The following MTA3 variants were observed in gnomAD, a reference collection of about 807,000 sequenced individuals.
MTA3 encodes metastasis associated 1 family member 3, also known as metastasis-associated protein MTA3.
A neutral mutation model predicts 83.5 loss-of-function variants in MTA3; 34 were observed. The observed-to-expected ratio is 0.41, with a 90% CI of 0.31 to 0.54. The LOEUF (loss-of-function observed/expected upper bound fraction) is 0.54. Ranked by LOEUF, MTA3 falls within the 20% of genes least tolerant of loss-of-function variation. The probability of loss-of-function intolerance (pLI) is 0.33; values close to 1 mark genes in which losing one functional copy is unlikely to be tolerated. For missense variants in MTA3, 761 were observed against 726.4 expected (o/e 1.05, Z -0.55); for synonymous variants, 303 against 252.7 (o/e 1.20, Z -1.89).
intron 4 of MTA3, among the ~76,000 whole-genome samples, chr2:42,628,769 ACC>A (rs67981436): frequency 7.3e-6 from 1 of 137,414 alleles, no homozygotes; most frequent in Admixed American, 7.2e-5. Flanking sequence ...AAACATTTCC[ACC>A]CTTTTTTTTT....
Position 42,535,771 on chromosome 2 carries a change from C to T in MTA3, c.-140-34666C>T, listed in dbSNP as rs563024704. On this transcript the variant is annotated intron_variant, in intron 2 of 17. Transcript: ENST00000405592. ...CTTGGGTAAGTGTTGACCTGTCACT[C>T]TGAAAGGATCCTGGGGGTGGTCCTA... Among the ~76,000 whole-genome samples, 19 of 152,158 alleles carry T rather than the reference C, an allele frequency of 1.2e-4. 1 individual carries two copies. In the South Asian group the frequency reaches 3.7e-3, roughly 30 times the overall value.
At chr2:42,574,860 A>T (rs1324973340) in intron 2 of MTA3, among the ~76,000 whole-genome samples, 1 of 152,226 alleles carries the variant, frequency 6.6e-6, no homozygotes, top group Non-Finnish European at 1.5e-5. Flanking sequence ...GCATTAAAAA[A>T]AAATTATTTA....
chr2:42,738,466 G>A (rs573932751), intron 16 of MTA3, among the ~76,000 whole-genome samples: 1 of 152,232 alleles, frequency 6.6e-6, no homozygotes, highest in South Asian at 2.1e-4. Flanking sequence ...TCCTATGCCC[G>A]TCTTTACTTC....
intron 3 of MTA3, among the ~76,000 whole-genome samples, chr2:42,607,665 T>A (rs1179418601): frequency 6.6e-6 from 1 of 152,168 alleles, no homozygotes; most frequent in East Asian, 1.9e-4. Flanking sequence ...AAATTTATCT[T>A]TTGAATTCTC....
At chr2:42,505,936 T>C (rs1674609920) in intron 2 of MTA3, among the ~76,000 whole-genome samples, 1 of 151,852 alleles carries the variant, frequency 6.6e-6, no homozygotes, top group Non-Finnish European at 1.5e-5. Flanking sequence ...GCCTGGCTAA[T>C]TTTTGAAATT....
chr2:42,514,950 C>A (rs895745241), intron 2 of MTA3, among the ~76,000 whole-genome samples: 4 of 151,600 alleles, frequency 2.6e-5, no homozygotes, highest in Non-Finnish European at 5.9e-5. Context: ...CTTGACCTCC[C>A]AAAGCGCTGG....
intron 14 of MTA3, among the ~76,000 whole-genome samples, chr2:42,718,382 G>T: frequency 6.6e-6 from 1 of 151,676 alleles, no homozygotes; most frequent in East Asian, 2.0e-4. Context: ...CGAGTAGCTG[G>T]GATTACAGGC....
At chr2:42,697,635 A>C in intron 10 of MTA3, 141 bp from the exon 11 acceptor site, 1 of 588,400 alleles carries the variant, frequency 1.7e-6, no homozygotes. Context: ...CAGTTTAAGA[A>C]TATGCATATG....
chr2:42,548,864 AT>A (rs1676920364), intron 2 of MTA3, among the ~76,000 whole-genome samples: 1 of 29,462 alleles, frequency 3.4e-5, no homozygotes. Flanking sequence ...TATATAATAT[AT>A]ATATATATAT....
intron 16 of MTA3, among the ~76,000 whole-genome samples, chr2:42,738,231 G>A (rs1041124950): frequency 6.6e-6 from 1 of 152,140 alleles, no homozygotes; most frequent in Admixed American, 6.6e-5. Context: ...CACTGGACAA[G>A]GCTGGGCAAC....
At chr2:42,721,307 C>T (rs548067508) in intron 15 of MTA3, among the ~76,000 whole-genome samples, 5 of 150,742 alleles carry the variant, frequency 3.3e-5, no homozygotes, top group African/African-American at 7.3e-5. Context: ...GGAGGAAGGA[C>T]TGTTCTTTTT....
upstream of MTA3, among the ~76,000 whole-genome samples, chr2:42,565,681 G>A (rs943901982): frequency 1.3e-5 from 2 of 151,956 alleles, no homozygotes; most frequent in South Asian, 2.1e-4. Context: ...CATATGAAGC[G>A]CCCAACAAGT....
At chr2:42,569,055 C>T (rs528099902) in intron 1 of MTA3, among the ~76,000 whole-genome samples, 1 of 152,308 alleles carries the variant, frequency 6.6e-6, no homozygotes, top group South Asian at 2.1e-4. Context: ...CCAGACACCC[C>T]CCTCCACGAA....
At chr2:42,639,288 GATGTCTTA>G (rs1687486339) in intron 4 of MTA3, among the ~76,000 whole-genome samples, 1 of 152,008 alleles carries the variant, frequency 6.6e-6, no homozygotes, top group African/African-American at 2.4e-5. Context: ...GGCTTTTGGA[GATGTCTTA>G]ATTTTTGTTT....
intron 4 of MTA3, among the ~76,000 whole-genome samples, chr2:42,615,260 C>CTT (rs1222645178): frequency 3.0e-5 from 4 of 135,404 alleles, no homozygotes; most frequent in African/African-American, 5.4e-5. Flanking sequence ...CTGTTTTTTT[C>CTT]TTTTTTTTTT....
At chr2:42,565,457 C>T (rs1010471498), upstream of MTA3, among the ~76,000 whole-genome samples, 6 of 151,934 alleles carry the variant, frequency 3.9e-5, no homozygotes, top group African/African-American at 7.3e-5. Context: ...CGTGAGCCAC[C>T]ATGCCTAGCC....
intron 16 of MTA3, among the ~76,000 whole-genome samples, chr2:42,747,699 A>G (rs1302734571): frequency 1.3e-5 from 2 of 152,044 alleles, no homozygotes; most frequent in African/African-American, 2.4e-5. Flanking sequence ...TCTTTGACCA[A>G]TATAACCAGT....
At chr2:42,626,923 T>G (rs908106952) in intron 4 of MTA3, among the ~76,000 whole-genome samples, 22 of 151,824 alleles carry the variant, frequency 1.4e-4, no homozygotes, top group Non-Finnish European at 1.5e-4. Context: ...GTATTTGTAG[T>G]AGAGATTGGG....
chr2:42,700,260 A>G (rs889182722), intron 11 of MTA3, among the ~76,000 whole-genome samples: 2 of 152,128 alleles, frequency 1.3e-5, no homozygotes, highest in Non-Finnish European at 2.9e-5. Context: ...GCGTTAGATA[A>G]AAGGAAGGGC....
Sources: allele counts gnomAD v4.1 joint callset (sites outside exome capture counted in the v4.1 genomes callset), GRCh38; gene constraint gnomAD v4.1.1; transcripts MANE v1.5; gene names NCBI Gene and HGNC (gene_info 2026-07-23, HGNC 2026-07-21).